Variants in PRIM2 observed in about 807,000 individuals in gnomAD.
The protein encoded by PRIM2 is DNA primase subunit 2, also known as DNA primase large subunit.
PRIM2 carries 39 observed loss-of-function variants against 67.3 expected under a neutral mutation model. The observed-to-expected ratio is 0.58, with a 90% CI of 0.45 to 0.76. PRIM2 has a LOEUF of 0.76. Ranked by LOEUF, PRIM2 falls within the 30% of genes least tolerant of loss-of-function variation. The pLI is 0.00. For synonymous variants in PRIM2, 143 were observed against 198.7 expected (o/e 0.72, Z 2.36); for missense variants, 398 against 598.7 (o/e 0.66, Z 3.50).
intron 5 of PRIM2, among the ~76,000 whole-genome samples, chr6:57,368,885 T>C (rs571458245): frequency 6.6e-6 from 1 of 152,304 alleles, no homozygotes; most frequent in South Asian, 2.1e-4. Context: ...ATGGGCCAGC[T>C]ACAACCCTGC....
At chr6:57,474,236 G>A (rs1413962695) in intron 7 of PRIM2, among the ~76,000 whole-genome samples, 2 of 97,298 alleles carry the variant, frequency 2.1e-5, no homozygotes, top group East Asian at 3.5e-4. Context: ...GTGCAGTGGC[G>A]CCATCTTGGC....
chr6:57,555,787 A>G (rs1344685146), intron 10 of PRIM2, among the ~76,000 whole-genome samples: 44 of 152,178 alleles, frequency 2.9e-4, no homozygotes, highest in Middle Eastern at 6.3e-3. Flanking sequence ...CTTCCTTTAG[A>G]AAAATGAAAA....
intron 10 of PRIM2, among the ~76,000 whole-genome samples, chr6:57,580,999 A>G (rs1776074982): frequency 6.6e-6 from 1 of 152,294 alleles, no homozygotes; most frequent in East Asian, 1.9e-4. Flanking sequence ...TAAATCTGGG[A>G]AAATAAGTAA....
the PRIM2 span, among the ~76,000 whole-genome samples, chr6:57,255,274 G>A: frequency 3.8e-4 from 58 of 152,124 alleles, no homozygotes; most frequent in Admixed American, 2.6e-3. Context: ...CGAGGCGGGC[G>A]GATCACGAGG....
chr6:57,563,734 T>C (rs1775683990), intron 10 of PRIM2, among the ~76,000 whole-genome samples: 1 of 152,224 alleles, frequency 6.6e-6, no homozygotes, highest in Non-Finnish European at 1.5e-5. Flanking sequence ...CTCCGCCTCC[T>C]GGGTTCAAGC....
chr6:57,315,337 T>C (rs1767459209), upstream of PRIM2, among the ~76,000 whole-genome samples: 1 of 148,566 alleles, frequency 6.7e-6, no homozygotes, highest in Non-Finnish European at 1.5e-5. Flanking sequence ...CAGTGGTTCA[T>C]AGACCTAATT....
intron 10 of PRIM2, among the ~76,000 whole-genome samples, chr6:57,565,030 AT>A (rs1775708891): frequency 1.3e-5 from 2 of 152,064 alleles, no homozygotes; most frequent in South Asian, 4.1e-4. Context: ...GATTCCTTAA[AT>A]TTTTTTCTTT....
At chr6:57,246,686 C>T in the PRIM2 span, among the ~76,000 whole-genome samples, 1 of 152,122 alleles carries the variant, frequency 6.6e-6, no homozygotes, top group African/African-American at 2.4e-5. Flanking sequence ...AACCAACCAG[C>T]TCGAACAGGG....
At chr6:57,530,074 A>G (rs1432178931) in intron 8 of PRIM2, among the ~76,000 whole-genome samples, 29 of 152,260 alleles carry the variant, frequency 1.9e-4, no homozygotes, top group African/African-American at 7.0e-4. Context: ...TCCTCTATCC[A>G]TTAATCCCAC....
chr6:57,339,148 G>A (rs1419479484), intron 5 of PRIM2, among the ~76,000 whole-genome samples: 1 of 151,944 alleles, frequency 6.6e-6, no homozygotes, highest in African/African-American at 2.4e-5. Flanking sequence ...CAACTTACAA[G>A]GGATGTGAAG....
chr6:57,422,691 T>G (rs534568603), intron 7 of PRIM2, among the ~76,000 whole-genome samples: 1 of 151,400 alleles, frequency 6.6e-6, no homozygotes, highest in South Asian at 2.1e-4. Flanking sequence ...CTGTTTACAT[T>G]TTTTTGATGG....
At chr6:57,326,166 C>G in intron 5 of PRIM2, 121 bp downstream of exon 5, 1 of 1,085,358 alleles carries the variant, frequency 9.2e-7, no homozygotes, top group East Asian at 2.5e-5. Context: ...CTGCCTGAAA[C>G]AGTAGCTAAT....
intron 7 of PRIM2, among the ~76,000 whole-genome samples, chr6:57,468,557 C>G (rs1279057459): frequency 6.6e-6 from 1 of 152,044 alleles, no homozygotes; most frequent in Non-Finnish European, 1.5e-5. Flanking sequence ...ATTTTTGCAT[C>G]GATGTTCATC....
the PRIM2 span, among the ~76,000 whole-genome samples, chr6:57,225,202 C>T: frequency 6.6e-5 from 10 of 152,174 alleles, no homozygotes; most frequent in Non-Finnish European, 4.4e-5. Context: ...TGTGAGGCCC[C>T]CCATGTGCAT....
chr6:57,225,382 CAG>C, the PRIM2 span, among the ~76,000 whole-genome samples: 7 of 152,204 alleles, frequency 4.6e-5, no homozygotes, highest in Non-Finnish European at 7.3e-5. Context: ...AAGGACACAG[CAG>C]AGATTCTCAT....
intron 7 of PRIM2, among the ~76,000 whole-genome samples, chr6:57,423,623 G>T (rs528199315): frequency 1.3e-5 from 2 of 152,298 alleles, no homozygotes; most frequent in African/African-American, 2.4e-5. Flanking sequence ...CGGAGACTAA[G>T]ACGTGGTCAT....
At chr6:57,278,335 T>A in the PRIM2 span, among the ~76,000 whole-genome samples, 1 of 151,874 alleles carries the variant, frequency 6.6e-6, no homozygotes. Flanking sequence ...AAAAAAAAAA[T>A]TCTACCTTTG....
chr6:57,510,306 A>G (rs1410347812), intron 8 of PRIM2, among the ~76,000 whole-genome samples: 3 of 152,310 alleles, frequency 2.0e-5, no homozygotes, highest in African/African-American at 7.2e-5. Context: ...TTTTCTGCAT[A>G]AAGTTTTTAT....
chr6:57,458,892 C>T (rs1463945792), intron 7 of PRIM2, among the ~76,000 whole-genome samples: 1 of 152,178 alleles, frequency 6.6e-6, no homozygotes, highest in East Asian at 1.9e-4. Flanking sequence ...TGGTAACTTC[C>T]TCCTTTAGCT....
Sources: gnomAD v4.1 joint callset for allele counts (sites outside exome capture counted in the v4.1 genomes callset) on GRCh38, gnomAD v4.1.1 for gene constraint, MANE v1.5 for transcripts, NCBI Gene and HGNC (gene_info 2026-07-23, HGNC 2026-07-21) for gene names.